Variants in FMN2 observed in about 807,000 individuals in gnomAD.
The protein encoded by FMN2 is formin-2.
FMN2 carries 51 observed loss-of-function variants against 142.3 expected under a neutral mutation model. The observed-to-expected ratio is 0.36, with a 90% CI of 0.29 to 0.45. The LOEUF (loss-of-function observed/expected upper bound fraction) is 0.45. Ranked by LOEUF, FMN2 falls within the 20% of genes least tolerant of loss-of-function variation. The probability of loss-of-function intolerance (pLI) is 1.00; values close to 1 mark genes in which losing one functional copy is unlikely to be tolerated. For synonymous variants in FMN2, 882 were observed against 869.8 expected (o/e 1.01, Z -0.25); for missense variants, 1,936 against 2,122.8 (o/e 0.91, Z 1.73).
intron 8 of FMN2, among the ~76,000 whole-genome samples, chr1:240,323,338 G>A (rs55658543): frequency 0.051 from 7,744 of 152,090 alleles, 262 homozygotes; most frequent in Non-Finnish European, 0.076. Context: ...GGGAATACAG[G>A]CATCTGCCAC....
chr1:240,266,064 G>C (rs371683856), intron 7 of FMN2, among the ~76,000 whole-genome samples: 3 of 149,136 alleles, frequency 2.0e-5, no homozygotes, highest in South Asian at 4.2e-4. Flanking sequence ...TTGATTCAGG[G>C]GTACATGTGT....
intron 2 of FMN2, among the ~76,000 whole-genome samples, chr1:240,138,750 C>T (rs1663059369): frequency 6.6e-6 from 1 of 152,080 alleles, no homozygotes; most frequent in Non-Finnish European, 1.5e-5. Context: ...ATTTGTTTTT[C>T]CCCCTTTTAA....
At chr1:240,331,454 A>C (rs953261442) in intron 11 of FMN2, among the ~76,000 whole-genome samples, 3 of 152,018 alleles carry the variant, frequency 2.0e-5, no homozygotes, top group Non-Finnish European at 4.4e-5. Context: ...AAAGAGTTAC[A>C]TTTCTCTGAT....
At chr1:240,243,620 A>G (rs942235635) in intron 6 of FMN2, among the ~76,000 whole-genome samples, 4 of 152,218 alleles carry the variant, frequency 2.6e-5, no homozygotes, top group African/African-American at 9.6e-5. Flanking sequence ...AAGACATTTT[A>G]TGCTTTGAAA....
At chr1:240,104,412 C>G (rs993015204) in intron 1 of FMN2, among the ~76,000 whole-genome samples, 3 of 151,984 alleles carry the variant, frequency 2.0e-5, no homozygotes, top group African/African-American at 7.2e-5. Flanking sequence ...AAAAAAGAAT[C>G]CATGTAGTTG....
intron 2 of FMN2, among the ~76,000 whole-genome samples, chr1:240,166,384 C>A (rs12742321): frequency 0.087 from 13,245 of 151,928 alleles, 727 homozygotes; most frequent in African/African-American, 0.16. Context: ...TGCCAGCCAC[C>A]AAGCCCAGCT....
intron 2 of FMN2, among the ~76,000 whole-genome samples, chr1:240,135,148 C>T (rs1662887282): frequency 6.6e-6 from 1 of 152,202 alleles, no homozygotes; most frequent in Admixed American, 6.5e-5. Flanking sequence ...CCTAGCACCT[C>T]ACCAAAGAAT....
At chr1:240,427,168 ATT>A (rs1285947248) in intron 15 of FMN2, among the ~76,000 whole-genome samples, 5 of 67,740 alleles carry the variant, frequency 7.4e-5, no homozygotes, top group Non-Finnish European at 6.6e-5. Flanking sequence ...GTTACAACTG[ATT>A]TTATATATAT....
At position 240,093,793 on chromosome 1, in the gene FMN2, C is replaced by A. The variant is rs1015292183; in HGVS notation, c.1615+69C>A. The A allele has an allele frequency of 3.5e-6, 4 of 1,135,470 alleles. No homozygotes were observed. In the East Asian group the frequency reaches 9.6e-5, roughly 27 times the overall value. 70.3% of individuals were successfully genotyped at this position (1,135,470 alleles called of 1,614,324 possible). A position where few individuals can be genotyped will look rare whatever the true frequency, so the allele number is the denominator to read the frequency against. ...TCAGTCAGGGCCTTCCCCTGCCACC[C>A]GCCCTCCCTGGGCTCTGGAAGGCGG... On this transcript the variant is annotated intron_variant, in intron 1 of 17. Transcript: ENST00000319653.
intron 8 of FMN2, among the ~76,000 whole-genome samples, chr1:240,309,332 G>T (rs907890945): frequency 6.6e-6 from 1 of 152,122 alleles, no homozygotes; most frequent in Non-Finnish European, 1.5e-5. Context: ...ACACACTTCT[G>T]GGGGCAGGTG....
intron 7 of FMN2, among the ~76,000 whole-genome samples, chr1:240,287,931 G>A (rs10802853): frequency 0.52 from 79,396 of 151,966 alleles, 20,915 homozygotes; most frequent in Admixed American, 0.63. Flanking sequence ...GTGCCATCAG[G>A]TGGCAATGTG....
intron 15 of FMN2, among the ~76,000 whole-genome samples, chr1:240,428,084 T>C (rs1488308390): frequency 6.6e-6 from 1 of 152,210 alleles, no homozygotes; most frequent in Non-Finnish European, 1.5e-5. Flanking sequence ...ATTTTCAAAA[T>C]AATGAGCGGT....
intron 15 of FMN2, among the ~76,000 whole-genome samples, chr1:240,399,392 T>C (rs1240072489): frequency 6.6e-6 from 1 of 152,164 alleles, no homozygotes; most frequent in Non-Finnish European, 1.5e-5. Flanking sequence ...TTCTATGGAC[T>C]TGCAGCAAAT....
At chr1:240,139,108 C>T (rs2103248704) in intron 2 of FMN2, among the ~76,000 whole-genome samples, 1 of 152,232 alleles carries the variant, frequency 6.6e-6, no homozygotes, top group South Asian at 2.1e-4. Flanking sequence ...GCCAATGATG[C>T]CGGTCGGGGA....
At position 240,092,241 on chromosome 1, in the gene FMN2, G is replaced by C. The variant is rs1276984341; in HGVS notation, c.132G>C (p.Ala44=). 6.3e-7 allele frequency: 1 copy of C among 1,577,122 alleles called. No individual in the cohort carries two copies. The highest frequency in any genetic ancestry group is 1.2e-5 in the South Asian group (1 of 86,230). The change falls in exon 1 of 18, where the codon GCG becomes GCC. Residue 44 remains alanine, a synonymous_variant. Coordinates refer to ENST00000319653, the MANE Select transcript of FMN2 (RefSeq NM_020066.5). ...ATKKGSGGKK[A]LGKHGKGGGG... ...AGAAGGGGAGCGGGGGCAAGAAGGC[G>C]CTAGGCAAGCACGGCAAGGGGGGAG...
Position 240,404,649 on chromosome 1 carries a change from C to T in FMN2, c.4910+12087C>T, listed in dbSNP as rs940200613. ...GCTGTTGTTTCATGCCTTTTATTTT[C>T]GGGCCGTGTGGTAAGTTTTAGATAC... On this transcript the variant is annotated intron_variant, in intron 15 of 17. Transcript: ENST00000319653. Among the ~76,000 whole-genome samples, 11 of 152,228 alleles carry T rather than the reference C, an allele frequency of 7.2e-5. No homozygotes were observed. In the East Asian group the frequency reaches 9.7e-4, roughly 13 times the overall value.
In FMN2 at chr1:240,435,775, T is replaced by C. The variant is rs114066941; in HGVS notation, c.4911-2286T>C. Among the ~76,000 whole-genome samples the C allele has an allele frequency of 5.5e-3, 832 of 152,336 alleles. 11 individuals carry two copies. The highest frequency in any genetic ancestry group is 0.02 in the African/African-American group (814 of 41,580). ...CTTACATTCTTTGCTTTTGATACCA[T>C]ACTACCTCGTGATAAAACTTTCAAA... On this transcript the variant is annotated intron_variant, in intron 15 of 17. Transcript: ENST00000319653.
chr1:240,256,017 A>G (rs1432843442), intron 6 of FMN2, among the ~76,000 whole-genome samples: 2 of 152,238 alleles, frequency 1.3e-5, no homozygotes, highest in Non-Finnish European at 2.9e-5. Context: ...AGAAGTTACT[A>G]CAAGGGTGTG....
intron 13 of FMN2, among the ~76,000 whole-genome samples, chr1:240,348,141 C>T (rs544111338): frequency 6.6e-6 from 1 of 152,166 alleles, no homozygotes; most frequent in South Asian, 2.1e-4. Context: ...TCCACAGTGG[C>T]TGGACTAATT....
Sources: gnomAD v4.1 joint callset for allele counts (sites outside exome capture counted in the v4.1 genomes callset) on GRCh38, gnomAD v4.1.1 for gene constraint, MANE v1.5 for transcripts, NCBI Gene and HGNC (gene_info 2026-07-23, HGNC 2026-07-21) for gene names.